Variants in ERBB4 observed in about 807,000 individuals in gnomAD.
ERBB4 encodes the protein erb-b2 receptor tyrosine kinase 4.
ERBB4 carries 42 observed loss-of-function variants against 158.0 expected under a neutral mutation model. The observed-to-expected ratio is 0.27, with a 90% CI of 0.21 to 0.34. The LOEUF is 0.34. Ranked by LOEUF, ERBB4 falls within the 10% of genes least tolerant of loss-of-function variation. The probability of loss-of-function intolerance (pLI) is 1.00; values close to 1 mark genes in which losing one functional copy is unlikely to be tolerated. For synonymous variants in ERBB4, 583 were observed against 558.7 expected, an observed-to-expected ratio of 1.04 and a Z score of -0.61; for missense variants, 1,333 against 1,624.1, an observed-to-expected ratio of 0.82 and a Z score of 3.08.
intron 1 of ERBB4, among the ~76,000 whole-genome samples, chr2:212,229,802 T>C (rs1454007288): frequency 6.6e-6 from 1 of 152,158 alleles, no homozygotes; most frequent in East Asian, 1.9e-4. Flanking sequence ...TGATTTCATG[T>C]AGAGGTGAGA....
intron 20 of ERBB4, among the ~76,000 whole-genome samples, chr2:211,502,618 T>C (rs963109894): frequency 2.6e-5 from 4 of 152,182 alleles, no homozygotes; most frequent in Non-Finnish European, 5.9e-5. Context: ...TAGAGAGTTC[T>C]ACTGTGTTTT....
chr2:212,042,209 T>C (rs2077157818), intron 2 of ERBB4, among the ~76,000 whole-genome samples: 1 of 152,132 alleles, frequency 6.6e-6, no homozygotes, highest in Admixed American at 6.6e-5. Context: ...TTTTACTTTA[T>C]TTTCATTTTG....
intron 3 of ERBB4, among the ~76,000 whole-genome samples, chr2:211,880,617 G>C (rs2078636177): frequency 6.6e-6 from 1 of 152,128 alleles, no homozygotes; most frequent in African/African-American, 2.4e-5. Context: ...GTCTGAACAG[G>C]ATCTAGTCTG....
chr2:211,696,067 CTCCT>C (rs576132277), intron 12 of ERBB4, among the ~76,000 whole-genome samples: 30 of 125,466 alleles, frequency 2.4e-4, no homozygotes, highest in African/African-American at 3.4e-4. Context: ...CCCTCCCTCC[CTCCT>C]TCCTTCCTTC....
intron 3 of ERBB4, among the ~76,000 whole-genome samples, chr2:211,789,277 G>A (rs1330794164): frequency 1.3e-5 from 2 of 152,100 alleles, no homozygotes; most frequent in Non-Finnish European, 1.5e-5. Context: ...TATAGAGATA[G>A]GGGATTTCTT....
In ERBB4 at chr2:212,489,615, A is replaced by T; in HGVS notation, c.82+48834T>A. On this transcript the variant is annotated intron_variant, in intron 1 of 27. Coordinates refer to ENST00000342788, the MANE Select transcript of ERBB4 (RefSeq NM_005235.3). The stretch of plus-strand genomic sequence containing the variant: ...CTTGCTAGCTCCTGATAGCCAATAA[A>T]AATTAACTCTAACGTATGGTATATT... Among the ~76,000 whole-genome samples, 2 of 152,010 alleles carry T rather than the reference A, an allele frequency of 1.3e-5. 1 individual carries two copies. Among genetic ancestry groups the T allele is most frequent in the South Asian group, 4.1e-4 (2 of 4,828 alleles).
intron 20 of ERBB4, among the ~76,000 whole-genome samples, chr2:211,447,195 C>T (rs1157070643): frequency 3.3e-5 from 5 of 152,020 alleles, no homozygotes; most frequent in Non-Finnish European, 7.4e-5. Flanking sequence ...TATGACTTTA[C>T]AGTATTCAAT....
At chr2:211,572,139 C>T (rs1040847410) in intron 19 of ERBB4, among the ~76,000 whole-genome samples, 1 of 152,152 alleles carries the variant, frequency 6.6e-6, no homozygotes, top group African/African-American at 2.4e-5. Flanking sequence ...TTCAGGCTCA[C>T]ATCACTACTG....
In ERBB4 at chr2:212,226,977, G is replaced by A. The variant is rs539286302; in HGVS notation, c.83-102074C>T. 1.1e-4 allele frequency among the ~76,000 whole-genome samples: 16 copies of A among 152,248 alleles called. No homozygotes were observed. The South Asian group carries it at 2.3e-3, about 22-fold the overall frequency. On this transcript the variant is annotated intron_variant, in intron 1 of 27. Coordinates refer to ENST00000342788, the MANE Select transcript of ERBB4 (RefSeq NM_005235.3). ...ATATTTTCACAGGCCCGGGTGCAAT[G>A]GCTCACGCCTGTAATCCTAGCACTC...
intron 4 of ERBB4, among the ~76,000 whole-genome samples, chr2:211,764,059 A>G (rs2075486688): frequency 6.6e-6 from 1 of 152,242 alleles, no homozygotes; most frequent in South Asian, 2.1e-4. Flanking sequence ...CCCAAAAGGC[A>G]TTATAGTAAG....
chr2:211,472,558 C>T (rs927506520), intron 20 of ERBB4, among the ~76,000 whole-genome samples: 2 of 151,672 alleles, frequency 1.3e-5, no homozygotes, highest in Non-Finnish European at 2.9e-5. Context: ...AGAAAAAACA[C>T]CTTCAAATGT....
chr2:211,525,832 T>G (rs1398541491), intron 20 of ERBB4, among the ~76,000 whole-genome samples: 2 of 152,008 alleles, frequency 1.3e-5, no homozygotes, highest in East Asian at 1.9e-4. Context: ...CCTGTAGTGG[T>G]GGTGACCACA....
intron 20 of ERBB4, among the ~76,000 whole-genome samples, chr2:211,431,412 T>C (rs2063746272): frequency 6.6e-6 from 1 of 152,196 alleles, no homozygotes; most frequent in South Asian, 2.1e-4. Flanking sequence ...TGTGCAGGTG[T>C]TGTAGTAAAT....
chr2:211,886,480 T>C (rs1038425827), intron 3 of ERBB4, among the ~76,000 whole-genome samples: 2 of 152,222 alleles, frequency 1.3e-5, no homozygotes, highest in Non-Finnish European at 2.9e-5. Flanking sequence ...ATGTGAATTC[T>C]ATAATTTCTA....
intron 1 of ERBB4, among the ~76,000 whole-genome samples, chr2:212,368,727 T>A (rs572834322): frequency 2.0e-5 from 3 of 152,128 alleles, no homozygotes; most frequent in Non-Finnish European, 4.4e-5. Flanking sequence ...AAGACACATA[T>A]ACCACCACTC....
At chr2:212,355,983 A>G (rs1044675984) in intron 1 of ERBB4, among the ~76,000 whole-genome samples, 1 of 152,006 alleles carries the variant, frequency 6.6e-6, no homozygotes, top group Non-Finnish European at 1.5e-5. Flanking sequence ...CGCTAAGGAA[A>G]AAAGCACTAA....
chr2:211,667,991 T>C (rs760327708), intron 14 of ERBB4, among the ~76,000 whole-genome samples: 1 of 152,190 alleles, frequency 6.6e-6, no homozygotes. Flanking sequence ...AGATATCACA[T>C]AGTGTACCTA....
chr2:211,649,783 G>T (rs1299738395), intron 16 of ERBB4, among the ~76,000 whole-genome samples: 3 of 151,796 alleles, frequency 2.0e-5, no homozygotes, highest in Non-Finnish European at 4.4e-5. Context: ...TAGAGGTGAG[G>T]TTCCCTTTCC....
At chr2:211,424,536 C>T (rs776937371) in intron 22 of ERBB4, among the ~76,000 whole-genome samples, 2 of 151,886 alleles carry the variant, frequency 1.3e-5, no homozygotes, top group Non-Finnish European at 2.9e-5. Flanking sequence ...ATAGAAGAGA[C>T]AATTTACAGT....
Sources: gnomAD v4.1 joint callset for allele counts (sites outside exome capture counted in the v4.1 genomes callset) on GRCh38, gnomAD v4.1.1 for gene constraint, MANE v1.5 for transcripts, NCBI Gene and HGNC (gene_info 2026-07-23, HGNC 2026-07-21) for gene names.